Variants in EGFR observed in about 807,000 individuals in gnomAD.
The protein encoded by EGFR is epidermal growth factor receptor, also known as avian erythroblastic leukemia viral (v-erb-b) oncogene homolog.
In EGFR, 58 loss-of-function variants were observed where a neutral mutation model predicts 143.0. The observed-to-expected ratio is 0.41, with a 90% CI of 0.33 to 0.50. EGFR has a LOEUF of 0.50. Among genes scored for constraint, EGFR ranks in the 20% least tolerant of loss-of-function variants. EGFR has a pLI of 0.39. For synonymous variants in EGFR, 613 were observed against 594.4 expected, an observed-to-expected ratio of 1.03 and a Z score of -0.45; for missense variants, 1,307 against 1,579.0, an observed-to-expected ratio of 0.83 and a Z score of 2.92.
chr7:55,089,483 G>C (rs527624823), intron 1 of EGFR, among the ~76,000 whole-genome samples: 2 of 152,138 alleles, frequency 1.3e-5, no homozygotes, highest in Non-Finnish European at 2.9e-5. Context: ...TTCCACATCT[G>C]TCCTTCCATT....
At chr7:55,093,350 G>T (rs4947972) in intron 1 of EGFR, among the ~76,000 whole-genome samples, 3 of 152,102 alleles carry the variant, frequency 2.0e-5, no homozygotes, top group Admixed American at 1.3e-4. Context: ...CTTTTGTGTT[G>T]GGAATTGTGC....
chr7:55,156,116 G>T (rs558053083), intron 8 of EGFR, among the ~76,000 whole-genome samples, 170 bp downstream of exon 8: 1 of 152,348 alleles, frequency 6.6e-6, no homozygotes, highest in South Asian at 2.1e-4. Flanking sequence ...CAATGGGAAG[G>T]CACTGAAGGT....
At position 55,163,849 on chromosome 7, in the gene EGFR, G is replaced by A. The variant is rs17290110; in HGVS notation, c.1722+26G>A. On this transcript the variant is annotated intron_variant, in intron 14 of 27. Coordinates refer to ENST00000275493, the MANE Select transcript of EGFR (RefSeq NM_005228.5). ...GTAAGAGCCCCTTGCTGCTATCCAC[G>A]TCCATTTCATGGGAAGGGCCTTCAC... The A allele has an allele frequency of 1.6e-3, 2,588 of 1,612,706 alleles. 49 individuals carry two copies. The African/African-American group carries it at 0.029, about 18-fold the overall frequency.
chr7:55,181,275 G>A lies in EGFR; in HGVS notation c.2284-18G>A, dbSNP rs765125741. 2 of 1,613,884 alleles carry A rather than the reference G, an allele frequency of 1.2e-6. No individual in the cohort carries two copies. The highest frequency in any genetic ancestry group is 3.4e-4 in the Middle Eastern group (2 of 5,890). On this transcript the variant is annotated intron_variant, in intron 19 of 27. Coordinates refer to ENST00000275493, the MANE Select transcript of EGFR (RefSeq NM_005228.5). Reference sequence around the variant, plus strand: ...CCACCATGCGAAGCCACACTGACGTGCCTCTCCCTCCCTCCAGGAAGCCTA... The same window carrying A: ...CCACCATGCGAAGCCACACTGACGTACCTCTCCCTCCCTCCAGGAAGCCTA...
intron 1 of EGFR, among the ~76,000 whole-genome samples, chr7:55,078,548 G>A (rs1790269254): frequency 6.6e-6 from 1 of 152,204 alleles, no homozygotes; most frequent in African/African-American, 2.4e-5. Context: ...TGCCCAGACT[G>A]ACCTGCGTCC....
At chr7:55,097,767 G>A (rs61710730) in intron 1 of EGFR, among the ~76,000 whole-genome samples, 1,618 of 152,056 alleles carry the variant, frequency 0.011, 36 homozygotes, top group African/African-American at 0.036. Flanking sequence ...TAGGGACAGC[G>A]CAGATAGATT....
intron 1 of EGFR, among the ~76,000 whole-genome samples, chr7:55,126,619 G>A (rs1049640827): frequency 2.6e-5 from 4 of 152,186 alleles, no homozygotes; most frequent in African/African-American, 7.2e-5. Context: ...GAGGGGGAGA[G>A]AAATGCTCCT....
At position 55,029,029 on chromosome 7, in the gene EGFR, C is replaced by T. The variant is rs1017122227; in HGVS notation, c.88+9664C>T. ...AAAAAAACAGCTGGGTGCGGTGGCACGTGCCTGTAGTCCCAGCTACTCAGG... is the reference window on the plus strand; with the variant it reads ...AAAAAAACAGCTGGGTGCGGTGGCATGTGCCTGTAGTCCCAGCTACTCAGG... On this transcript the variant is annotated intron_variant, in intron 1 of 27. Transcript: ENST00000275493. Among the ~76,000 whole-genome samples the T allele has an allele frequency of 2.6e-5, 4 of 152,094 alleles. No individual in the cohort carries two copies. The East Asian group carries it at 7.7e-4, about 29-fold the overall frequency.
At chr7:55,183,667 A>G (rs1584243017) in intron 20 of EGFR, among the ~76,000 whole-genome samples, 1 of 152,360 alleles carries the variant, frequency 6.6e-6, no homozygotes, top group Middle Eastern at 3.4e-3. Context: ...AATGGAGAGC[A>G]CTGCCCTCCT....
chr7:55,166,943 G>GGC (rs1786052092), intron 15 of EGFR, among the ~76,000 whole-genome samples: 1 of 140,948 alleles, frequency 7.1e-6, no homozygotes, highest in African/African-American at 2.7e-5. Context: ...TGGTGATGGT[G>GGC]ATGAGGAGGT....
intron 1 of EGFR, among the ~76,000 whole-genome samples, chr7:55,088,078 C>T (rs899511886): frequency 1.8e-4 from 26 of 145,798 alleles, no homozygotes; most frequent in Non-Finnish European, 3.0e-4. Flanking sequence ...CACACACACA[C>T]ATTCTCACTT....
chr7:55,073,916 A>G (rs1324260243), intron 1 of EGFR, among the ~76,000 whole-genome samples: 5 of 152,226 alleles, frequency 3.3e-5, no homozygotes, highest in African/African-American at 9.6e-5. Flanking sequence ...TTTTAGGCAA[A>G]TTATAATTAA....
chr7:55,122,893 C>T (rs1274823069), intron 1 of EGFR, among the ~76,000 whole-genome samples: 1 of 152,276 alleles, frequency 6.6e-6, no homozygotes, highest in Non-Finnish European at 1.5e-5. Context: ...ACTGAGTTCC[C>T]TCAGTGCTGG....
intron 22 of EGFR, 137 bp downstream of exon 22, chr7:55,192,978 GTCTA>G: frequency 1.3e-6 from 1 of 795,634 alleles, no homozygotes. Flanking sequence ...AATCATTGCT[GTCTA>G]TCTATTGTAC....
rs906922745 is a variant in EGFR, at chr7:55,207,377, G to A, written c.*1760G>A. On this transcript the variant is annotated 3_prime_UTR_variant, in exon 28 of 28. Coordinates refer to ENST00000275493, the MANE Select transcript of EGFR (RefSeq NM_005228.5). Reference sequence around the variant, plus strand: ...TACCCCTAAGCATCTATACTAGCCTGGTATGGGTATGAAAGATACAAAGAT... The same window carrying A: ...TACCCCTAAGCATCTATACTAGCCTAGTATGGGTATGAAAGATACAAAGAT... The A allele has an allele frequency of 4.5e-6, 1 of 220,692 alleles. No homozygotes were observed. Among genetic ancestry groups the A allele is most frequent in the African/African-American group, 2.2e-5 (1 of 44,720 alleles). 13.7% of individuals were successfully genotyped at this position (220,692 alleles called of 1,614,324 possible).
At chr7:55,183,977 G>A (rs562981300) in intron 20 of EGFR, among the ~76,000 whole-genome samples, 33 of 152,350 alleles carry the variant, frequency 2.2e-4, no homozygotes, top group Non-Finnish European at 3.4e-4. Flanking sequence ...GTATGTGACC[G>A]TTTTCCTTAA....
chr7:55,157,897 C>T, intron 11 of EGFR, 144 bp downstream of exon 11: 1 of 840,666 alleles, frequency 1.2e-6, no homozygotes, highest in South Asian at 1.4e-5. Context: ...CATGAGCAGG[C>T]ACAGGGAGCA....
At chr7:55,152,116 C>T (rs533116270) in intron 5 of EGFR, among the ~76,000 whole-genome samples, 3 of 152,322 alleles carry the variant, frequency 2.0e-5, no homozygotes, top group South Asian at 4.1e-4. Flanking sequence ...GAGGGCCATT[C>T]TCCTAGGTAT....
intron 16 of EGFR, among the ~76,000 whole-genome samples, chr7:55,172,279 T>A (rs1229600274): frequency 1.3e-5 from 2 of 152,234 alleles, no homozygotes; most frequent in Non-Finnish European, 2.9e-5. Flanking sequence ...ATTCTTTATA[T>A]CTTACGGTAT....
Sources: allele counts gnomAD v4.1 joint callset (sites outside exome capture counted in the v4.1 genomes callset), GRCh38; gene constraint gnomAD v4.1.1; transcripts MANE v1.5; gene names NCBI Gene and HGNC (gene_info 2026-07-23, HGNC 2026-07-21).